The following MGMT variants were observed in gnomAD, a reference collection of about 807,000 sequenced individuals.
MGMT encodes O-6-methylguanine-DNA methyltransferase, also known as methylated-DNA--protein-cysteine methyltransferase.
In MGMT, 14 loss-of-function variants were observed where a neutral mutation model predicts 15.9. The ratio of observed to expected loss-of-function variants is 0.88; its 90% CI spans 0.58 to 1.37. The LOEUF is 1.37. Among genes scored for constraint, MGMT ranks in the 40% most tolerant of loss-of-function variants. The pLI, the probability that MGMT is intolerant of heterozygous loss-of-function variation, is 0.00. For missense variants in MGMT, 282 were observed against 268.1 expected (o/e 1.05, Z -0.36); for synonymous variants, 130 against 118.2 (o/e 1.10, Z -0.65).
At chr10:129,595,558 T>G (rs1395505825) in intron 2 of MGMT, among the ~76,000 whole-genome samples, 3 of 152,114 alleles carry the variant, frequency 2.0e-5, no homozygotes, top group Non-Finnish European at 2.9e-5. Context: ...GGTCTGACAC[T>G]ACCCAGGGTC....
chr10:129,583,563 A>C (rs1472684311), intron 2 of MGMT, among the ~76,000 whole-genome samples: 5 of 152,182 alleles, frequency 3.3e-5, no homozygotes, highest in African/African-American at 1.2e-4. Flanking sequence ...GATAGATTGC[A>C]GCCTAGGGGT....
chr10:129,562,128 A>G (rs761549111), intron 2 of MGMT, among the ~76,000 whole-genome samples: 4 of 152,204 alleles, frequency 2.6e-5, no homozygotes, highest in Non-Finnish European at 5.9e-5. Flanking sequence ...GTCTTTTATG[A>G]TGGAGCAAGA....
At chr10:129,699,568 A>G (rs1056564649) in intron 2 of MGMT, among the ~76,000 whole-genome samples, 2 of 152,168 alleles carry the variant, frequency 1.3e-5, no homozygotes, top group Non-Finnish European at 2.9e-5. Flanking sequence ...ACATTAGTAC[A>G]TGAACCCGTT....
rs185530374 is a variant in MGMT, at chr10:129,632,242, G to T, written c.126-75653G>T. On this transcript the variant is annotated intron_variant, in intron 2 of 4. Coordinates refer to ENST00000651593, the MANE Select transcript of MGMT (RefSeq NM_002412.5). ...TTAACACCCTGTGATTGGTTATTTA[G>T]CTTACTTTCATTTTTAACTGTACCA... 2.0e-5 allele frequency among the ~76,000 whole-genome samples: 3 copies of T among 152,164 alleles called. No individual in the cohort carries two copies. The South Asian group carries it at 6.2e-4, about 32-fold the overall frequency.
At chr10:129,492,604 G>A (rs1336815028) in intron 1 of MGMT, among the ~76,000 whole-genome samples, 4 of 152,166 alleles carry the variant, frequency 2.6e-5, no homozygotes, top group Admixed American at 2.6e-4. Context: ...GCCACCCAGA[G>A]CTTCCCTGGT....
chr10:129,496,759 A>G (rs1018860872), intron 1 of MGMT, among the ~76,000 whole-genome samples: 8 of 152,346 alleles, frequency 5.3e-5, no homozygotes, highest in Admixed American at 2.6e-4. Context: ...GTTGTTTTAA[A>G]TAAATTCATT....
At chr10:129,759,885 AG>A (rs1158407559) in intron 4 of MGMT, among the ~76,000 whole-genome samples, 1 of 152,184 alleles carries the variant, frequency 6.6e-6, no homozygotes, top group Non-Finnish European at 1.5e-5. Context: ...CACACGAGGC[AG>A]GAGGCCTTGC....
chr10:129,754,624 T>C (rs555927377), intron 3 of MGMT, among the ~76,000 whole-genome samples: 2 of 152,206 alleles, frequency 1.3e-5, no homozygotes, highest in Non-Finnish European at 2.9e-5. Flanking sequence ...TGATAAAGAA[T>C]AGGAATTTAT....
At chr10:129,697,728 C>T (rs1034971150) in intron 2 of MGMT, among the ~76,000 whole-genome samples, 59 of 152,166 alleles carry the variant, frequency 3.9e-4, no homozygotes, top group Admixed American at 3.8e-3. Context: ...GACGTCGAGG[C>T]GCCATGTTGC....
chr10:129,740,903 T>TAA (rs1848624138), intron 3 of MGMT, among the ~76,000 whole-genome samples: 1 of 152,210 alleles, frequency 6.6e-6, no homozygotes. Context: ...AATTGCATTT[T>TAA]AAGCCCAGCT....
chr10:129,519,324 C>T (rs1243815656), intron 1 of MGMT, among the ~76,000 whole-genome samples: 3 of 152,158 alleles, frequency 2.0e-5, no homozygotes, highest in African/African-American at 7.2e-5. Context: ...CAGGATTAGA[C>T]TGAATTATTG....
In MGMT at chr10:129,767,245, G is replaced by A. The variant is rs7896488; in HGVS notation, c.*248G>A. ...CCATTAAAACAGGCCAAGTGAGTGT[G>A]GAAGGCCTGGCTCATGTTGGGCCAC... is the stretch of plus-strand genomic sequence containing the variant. On this transcript the variant is annotated 3_prime_UTR_variant, in exon 5 of 5. Coordinates refer to ENST00000651593, the MANE Select transcript of MGMT (RefSeq NM_002412.5). 22,420 of 370,244 alleles carry A rather than the reference G, an allele frequency of 0.061. 1,492 individuals are homozygous for A. Among genetic ancestry groups the A allele is most frequent in the East Asian group, 0.25 (4,676 of 18,712 alleles). The allele number at this position is 370,244 out of a possible 1,614,324, so 22.9% of individuals were successfully genotyped here.
intron 1 of MGMT, among the ~76,000 whole-genome samples, chr10:129,518,938 G>C (rs1845774665): frequency 6.6e-6 from 1 of 150,944 alleles, no homozygotes; most frequent in African/African-American, 2.5e-5. Flanking sequence ...TCTGTGCATG[G>C]GGCATGTCTC....
intron 3 of MGMT, among the ~76,000 whole-genome samples, chr10:129,745,496 G>C (rs1469363268): frequency 2.0e-5 from 3 of 152,166 alleles, no homozygotes; most frequent in Non-Finnish European, 1.5e-5. Context: ...GAATCAGACA[G>C]TATTTAACCT....
intron 2 of MGMT, among the ~76,000 whole-genome samples, chr10:129,622,903 A>T (rs374170353): frequency 2.6e-5 from 4 of 152,168 alleles, no homozygotes; most frequent in Non-Finnish European, 5.9e-5. Flanking sequence ...TGTGGAATGC[A>T]TGGAGCCCCG....
chr10:129,659,026 A>C lies in MGMT; in HGVS notation c.126-48869A>C, dbSNP rs1268694257. ...ATTTTGTGGCTGCAACAATAACAAA[A>C]AAAAATCCTTGGTTCTGATGACTTC... On this transcript the variant is annotated intron_variant, in intron 2 of 4. Transcript: ENST00000651593. This position sits in a 1 kb window ranked among gnomAD's most constrained non-coding sequence, Gnocchi z 4.1. Among the ~76,000 whole-genome samples the C allele has an allele frequency of 2.6e-5, 4 of 152,168 alleles. No individual in the cohort carries two copies. The highest frequency in any genetic ancestry group is 9.7e-5 in the African/African-American group (4 of 41,428).
intron 2 of MGMT, among the ~76,000 whole-genome samples, chr10:129,706,512 C>T: frequency 6.6e-6 from 1 of 152,234 alleles, no homozygotes; most frequent in East Asian, 1.9e-4. Context: ...CGTTTCCCAC[C>T]TTTTCACAGA....
intron 2 of MGMT, among the ~76,000 whole-genome samples, chr10:129,573,726 C>T (rs568464568): frequency 6.6e-6 from 1 of 152,286 alleles, no homozygotes; most frequent in Admixed American, 6.5e-5. Flanking sequence ...ACACATTTTA[C>T]AAGGACAACA....
intron 4 of MGMT, among the ~76,000 whole-genome samples, chr10:129,764,687 A>G (rs1331324559): frequency 6.6e-6 from 1 of 152,236 alleles, no homozygotes; most frequent in Non-Finnish European, 1.5e-5. Flanking sequence ...GCTGGAGAGA[A>G]AAAGAAGAGT....
Sources: allele counts gnomAD v4.1 joint callset (sites outside exome capture counted in the v4.1 genomes callset), GRCh38; gene constraint gnomAD v4.1.1; non-coding constraint Gnocchi (gnomAD v3.1); transcripts MANE v1.5; gene names NCBI Gene and HGNC (gene_info 2026-07-23, HGNC 2026-07-21).